Variants in PGGHG observed in about 807,000 individuals in gnomAD.
PGGHG encodes the protein ATH1, acid trehalase-like 1.
In PGGHG, 67 loss-of-function variants were observed where a neutral mutation model predicts 74.5. The observed-to-expected ratio is 0.90, with a 90% CI of 0.74 to 1.10. PGGHG has a LOEUF of 1.10. Among genes scored for constraint, PGGHG ranks in the 50% least tolerant of loss-of-function variants. PGGHG has a pLI of 0.00. For synonymous variants in PGGHG, 496 were observed against 419.9 expected (o/e 1.18, Z -2.21); for missense variants, 1,034 against 981.5 (o/e 1.05, Z -0.72).
Position 290,088 on chromosome 11 carries a change from G to A in PGGHG, c.259+13G>A. The A allele has an allele frequency of 6.6e-7, 1 of 1,514,530 alleles. No individual in the cohort carries two copies. The allele number at this position is 1,514,530 out of a possible 1,614,324, so 93.8% of individuals were successfully genotyped here. On this transcript the variant is annotated intron_variant, in intron 2 of 13. Transcript: ENST00000409548. ...GACACCAACACAGGTAGCGCCACCT[G>A]GCCTGCCTCACCCCTGCCCCAGGCA...
At position 293,693 on chromosome 11, in the gene PGGHG, C is replaced by T. The variant is rs1225469177; in HGVS notation, c.1580C>T (p.Ala527Val). 2 of 1,613,128 alleles carry T rather than the reference C, an allele frequency of 1.2e-6. No homozygotes were observed. The highest frequency in any genetic ancestry group is 1.7e-6 in the Non-Finnish European group (2 of 1,179,986). ...AGGAAAAATCTGGAGATTTACGAGG[C>T]TGTGACGTCCCCCCAGGGCCCCGCC... ...VRRKNLEIYE[A>V]VTSPQGPAMT... The change falls in exon 10 of 14, where the codon GCT (alanine) becomes GTT (valine). Residue 527 changes from alanine (A) to valine (V), a missense_variant. Ala to Val is a moderately conservative substitution (Grantham distance 64, BLOSUM62 0). Transcript: ENST00000409548.
chr11:293,777 T>C, intron 10 of PGGHG, 50 bp downstream of exon 10: 1 of 1,613,424 alleles, frequency 6.2e-7, no homozygotes, highest in Non-Finnish European at 8.5e-7. Flanking sequence ...CTCAGTCTTC[T>C]CTGCCCACGC....
In PGGHG at chr11:290,055, T is replaced by G; in HGVS notation, c.239T>G (p.Phe80Cys). Residue 80 changes from phenylalanine (F) to cysteine (C), a missense_variant, in exon 2 of 14, where the codon TTC becomes TGC. Coordinates refer to ENST00000409548, the MANE Select transcript of PGGHG (RefSeq NM_025092.5). ...AGMGEQLTET[F>C]ALDTNTGSFL... ...ATGGGGGAGCAGCTGACCGAGACCT[T>G]CGCCCTGGACACCAACACAGGTAGC... 1 of 1,537,906 alleles carries G rather than the reference T, an allele frequency of 6.5e-7. No individual in the cohort carries two copies. The highest frequency in any genetic ancestry group is 8.7e-7 in the Non-Finnish European group (1 of 1,144,164).
In PGGHG at chr11:291,122, T is replaced by G; in HGVS notation, c.906+9T>G. 6.4e-7 allele frequency: 1 copy of G among 1,553,284 alleles called. No homozygotes were observed. Among genetic ancestry groups the G allele is most frequent in the Non-Finnish European group, 8.7e-7 (1 of 1,146,856 alleles). On this transcript the variant is annotated intron_variant, in intron 4 of 13. Coordinates refer to ENST00000409548, the MANE Select transcript of PGGHG (RefSeq NM_025092.5). ...ACGTCTTCTGGGACCAGGTGAGCAC[T>G]GTACACCCAGCACCAGCCACACAGC...
chr11:294,751 C>A lies in PGGHG; in HGVS notation c.*2C>A, dbSNP rs1017930439. 4.4e-5 allele frequency: 70 copies of A among 1,588,862 alleles called. No homozygotes were observed. The East Asian group carries it at 1.6e-3, about 36-fold the overall frequency. ...ACTGTGGACCCTGCCTCTGAATAATCAGGAACGGTGGCTTCAGAGACGTCT... is the reference window on the plus strand; with the variant it reads ...ACTGTGGACCCTGCCTCTGAATAATAAGGAACGGTGGCTTCAGAGACGTCT... On this transcript the variant is annotated 3_prime_UTR_variant, in exon 14 of 14. Coordinates refer to ENST00000409548, the MANE Select transcript of PGGHG (RefSeq NM_025092.5).
In PGGHG at chr11:290,092, T is replaced by TGCCTCACCCCTGCCCC; in HGVS notation, c.259+18_259+33dup. The TGCCTCACCCCTGCCCC allele has an allele frequency of 2.6e-6, 4 of 1,511,100 alleles. No homozygotes were observed. The South Asian group carries it at 5.0e-5, about 19-fold the overall frequency. 93.6% of individuals were successfully genotyped at this position (1,511,100 alleles called of 1,614,324 possible). A position where few individuals can be genotyped will look rare whatever the true frequency, so the allele number is the denominator to read the frequency against. Reference sequence around the variant, plus strand: ...CCAACACAGGTAGCGCCACCTGGCCTGCCTCACCCCTGCCCCAGGCATTGT... The same window carrying TGCCTCACCCCTGCCCC: ...CCAACACAGGTAGCGCCACCTGGCCTGCCTCACCCCTGCCCCGCCTCACCCCTGCCCCAGGCATTGT... On this transcript the variant is annotated intron_variant, in intron 2 of 13. Coordinates refer to ENST00000409548, the MANE Select transcript of PGGHG (RefSeq NM_025092.5).
chr11:290,645 G>T (rs1389530978), intron 3 of PGGHG, 33 bp from the exon 4 acceptor site: 7 of 1,608,580 alleles, frequency 4.4e-6, no homozygotes, highest in Non-Finnish European at 5.9e-6. Flanking sequence ...CAGGGAGGGA[G>T]CTCATCCCTG....
chr11:293,878 C>A lies in PGGHG; in HGVS notation c.1663C>A (p.Arg555=). 1 of 1,613,586 alleles carries A rather than the reference C, an allele frequency of 6.2e-7. No individual in the cohort carries two copies. The highest frequency in any genetic ancestry group is 8.5e-7 in the Non-Finnish European group (1 of 1,179,970). The change falls in exon 11 of 14, where the codon CGG becomes AGG. Residue 555 remains arginine, a synonymous_variant. Coordinates refer to ENST00000409548, the MANE Select transcript of PGGHG (RefSeq NM_025092.5). The part of the protein sequence containing the change: ...WMELKDAVRA[R]GLLDRSFANM... Reference sequence around the variant, plus strand: ...GGAGCTGAAGGACGCAGTGCGGGCCCGGGGCCTCCTGGACAGGAGCTTTGC... The same window carrying A: ...GGAGCTGAAGGACGCAGTGCGGGCCAGGGGCCTCCTGGACAGGAGCTTTGC...
intron 2 of PGGHG, 57 bp from the exon 3 acceptor site, chr11:290,333 C>T (rs1176410432): frequency 1.3e-5 from 19 of 1,503,110 alleles, no homozygotes; most frequent in Non-Finnish European, 1.7e-5. Context: ...TGGTCCACTC[C>T]TGCCCCAGAG....
Position 294,968 on chromosome 11 carries a change from G to A in PGGHG, c.*219G>A, listed in dbSNP as rs1485197118. The A allele has an allele frequency of 4.9e-5, 26 of 526,388 alleles. 1 individual carries two copies. Among genetic ancestry groups the A allele is most frequent in the East Asian group, 2.1e-4 (7 of 32,768 alleles). The allele number at this position is 526,388 out of a possible 1,614,324, so 32.6% of individuals were successfully genotyped here. On this transcript the variant is annotated 3_prime_UTR_variant, in exon 14 of 14. Coordinates refer to ENST00000409548, the MANE Select transcript of PGGHG (RefSeq NM_025092.5). ...GGCTTCCCCGTGGCATCTCCACACC[G>A]CCTCTGCCTGCCCCTGTGGACTGAT...
At position 290,529 on chromosome 11, in the gene PGGHG, C is replaced by T. The variant is rs1217458612; in HGVS notation, c.399C>T (p.Leu133=). 3 of 1,550,636 alleles carry T rather than the reference C, an allele frequency of 1.9e-6. No individual in the cohort carries two copies. The highest frequency in any genetic ancestry group is 1.4e-5 in the African/African-American group (1 of 73,186). ...CGGGGAGCGGGCCCATCACGCTGCT[C>T]CTGCGGTCAGCCTTCTCCCCAGAAA... ...LAPGSGPITL[L]LRSAFSPESP... Residue 133 remains leucine, a synonymous_variant, in exon 3 of 14, where the codon CTC becomes CTT. Coordinates refer to ENST00000409548, the MANE Select transcript of PGGHG (RefSeq NM_025092.5).
chr11:293,907 C>T lies in PGGHG; in HGVS notation c.1692C>T (p.Asn564=), dbSNP rs1845801335. ...GCCTCCTGGACAGGAGCTTTGCCAA[C>T]ATGGCTGAACCCTTCAAGGTCAGCC... The part of the protein sequence containing the change: ...ARGLLDRSFA[N]MAEPFKVWTE... The change falls in exon 11 of 14, where the codon AAC becomes AAT. Residue 564 remains asparagine, a synonymous_variant. Coordinates refer to ENST00000409548, the MANE Select transcript of PGGHG (RefSeq NM_025092.5). 2.5e-6 allele frequency: 4 copies of T among 1,612,942 alleles called. No individual in the cohort carries two copies. The highest frequency in any genetic ancestry group is 2.5e-6 in the Non-Finnish European group (3 of 1,179,734).
intron 2 of PGGHG, 60 bp from the exon 3 acceptor site, chr11:290,330 C>G: frequency 1.3e-6 from 2 of 1,499,586 alleles, no homozygotes; most frequent in Non-Finnish European, 1.8e-6. Context: ...GGGTGGTCCA[C>G]TCCTGCCCCA....
chr11:293,902 G>A lies in PGGHG; in HGVS notation c.1687G>A (p.Ala563Thr). The part of the protein sequence containing the change: ...RARGLLDRSF[A>T]NMAEPFKVWT... ...CCGGGGCCTCCTGGACAGGAGCTTT[G>A]CCAACATGGCTGAACCCTTCAAGGT... The change falls in exon 11 of 14, where the codon GCC becomes ACC. Residue 563 changes from alanine (A) to threonine (T), a missense_variant. Transcript: ENST00000409548. 1 of 1,613,146 alleles carries A rather than the reference G, an allele frequency of 6.2e-7. No homozygotes were observed. Among genetic ancestry groups the A allele is most frequent in the Non-Finnish European group, 8.5e-7 (1 of 1,179,816 alleles).
At chr11:290,318 T>TC in intron 2 of PGGHG, 72 bp from the exon 3 acceptor site, 1 of 1,458,316 alleles carries the variant, frequency 6.9e-7, no homozygotes, top group Non-Finnish European at 9.2e-7. Flanking sequence ...GAGGCAGCGG[T>TC]CGGGTGGTCC....
chr11:289,573 C>A lies in PGGHG; in HGVS notation c.-13-231C>A. Reference sequence around the variant, plus strand: ...AGGTAGCAGGAGGGAGAGACACACTCAGGGGCTCAGCTGGGTTCCTGGAGA... The same window carrying A: ...AGGTAGCAGGAGGGAGAGACACACTAAGGGGCTCAGCTGGGTTCCTGGAGA... On this transcript the variant is annotated intron_variant, in intron 1 of 13. Transcript: ENST00000409548. This position sits in a 1 kb window ranked among gnomAD's most constrained non-coding sequence, Gnocchi z 5.6. 1.7e-6 allele frequency: 1 copy of A among 574,844 alleles called. No homozygotes were observed. The highest frequency in any genetic ancestry group is 3.0e-6 in the Non-Finnish European group (1 of 328,780). 35.6% of individuals were successfully genotyped at this position (574,844 alleles called of 1,614,324 possible). A position where few individuals can be genotyped will look rare whatever the true frequency, so the allele number is the denominator to read the frequency against.
intron 5 of PGGHG, 123 bp from the exon 6 acceptor site, chr11:292,423 A>G (rs1845750153): frequency 7.8e-7 from 1 of 1,278,358 alleles, no homozygotes; most frequent in Admixed American, 2.1e-5. Context: ...TTCTAGCAGT[A>G]GCACCCGCCA....
In PGGHG at chr11:291,063, T is replaced by G. The variant is rs143771488; in HGVS notation, c.856T>G (p.Ser286Ala). The G allele has an allele frequency of 8.1e-6, 13 of 1,607,482 alleles. No homozygotes were observed. In the African/African-American group the frequency reaches 1.7e-4, roughly 22 times the overall value. Residue 286 changes from serine (S) to alanine (A), a missense_variant, in exon 4 of 14, where the codon TCC (serine) becomes GCC (alanine). Coordinates refer to ENST00000409548, the MANE Select transcript of PGGHG (RefSeq NM_025092.5). ...ICHGLSPGGL[S>A]NGSREECYWG... Reference sequence around the variant, plus strand: ...CCATGGCCTCAGTCCTGGGGGCCTCTCCAATGGGAGCCGTGAGGAATGCTA... The same window carrying G: ...CCATGGCCTCAGTCCTGGGGGCCTCGCCAATGGGAGCCGTGAGGAATGCTA...
Position 292,645 on chromosome 11 carries a change from T to G in PGGHG, c.1126T>G (p.Leu376Val). Reference sequence around the variant, plus strand: ...GGTCCACGTCAACGGGGCCGTGGTGTTGGCCTTCGAGCTGTACTACCATAC... The same window carrying G: ...GGTCCACGTCAACGGGGCCGTGGTGGTGGCCTTCGAGCTGTACTACCATAC... ...QEVHVNGAVV[L>V]AFELYYHTTQ... Residue 376 changes from leucine (L) to valine (V), a missense_variant, in exon 6 of 14, where the codon TTG becomes GTG. Transcript: ENST00000409548. 1.2e-6 allele frequency: 2 copies of G among 1,613,786 alleles called. No homozygotes were observed. The highest frequency in any genetic ancestry group is 1.7e-6 in the Non-Finnish European group (2 of 1,180,000).
Sources: gnomAD v4.1 joint callset for allele counts on GRCh38, gnomAD v4.1.1 for gene constraint, Gnocchi (gnomAD v3.1) non-coding constraint, MANE v1.5 for transcripts, NCBI Gene and HGNC (gene_info 2026-07-23, HGNC 2026-07-21) for gene names.